RCAN1: variants seen among roughly 807,000 people sequenced by gnomAD.
RCAN1 encodes the protein regulator of calcineurin 1, also known as calcipressin-1.
Under a neutral mutation model 22.9 loss-of-function variants are expected in RCAN1, and 11 were observed. That is an observed-to-expected ratio of 0.48 (90% CI 0.30 to 0.79). RCAN1 has a LOEUF of 0.79. RCAN1 is among the 30% of genes least tolerant of loss of function. The pLI is 0.06. For synonymous variants in RCAN1, 136 were observed against 142.3 expected (o/e 0.96, Z 0.32); for missense variants, 291 against 337.8 (o/e 0.86, Z 1.09).
chr21:34,596,814 C>A (rs1988173844), intron 1 of RCAN1, among the ~76,000 whole-genome samples: 1 of 152,132 alleles, frequency 6.6e-6, no homozygotes, highest in Non-Finnish European at 1.5e-5. Flanking sequence ...TGAAGGAGCT[C>A]GGCTGAAAAC....
At chr21:34,569,043 G>A (rs1296977387) in intron 1 of RCAN1, among the ~76,000 whole-genome samples, 1 of 152,180 alleles carries the variant, frequency 6.6e-6, no homozygotes, top group East Asian at 1.9e-4. Context: ...AGAAAAGCAT[G>A]GGGGACACCG....
rs150171619 is a variant in RCAN1 at position 34,565,496 on chromosome 21, C to A, written c.253-41786G>T. ...AATGGGGGCTACTGCTCCACTGACA[C>A]GCTGGTTGGGAAGGTGAGGGCGCTG... is the stretch of plus-strand genomic sequence containing the variant. On this transcript the variant is annotated intron_variant, in intron 1 of 3. Coordinates refer to ENST00000313806, the MANE Select transcript of RCAN1 (RefSeq NM_004414.7). Among the ~76,000 whole-genome samples, 13 of 152,190 alleles carry A rather than the reference C, an allele frequency of 8.5e-5. 1 individual carries two copies. Among genetic ancestry groups the A allele is most frequent in the Admixed American group, 2.0e-4 (3 of 15,280 alleles).
At chr21:34,565,366 G>A (rs1352078945) in intron 1 of RCAN1, among the ~76,000 whole-genome samples, 1 of 152,214 alleles carries the variant, frequency 6.6e-6, no homozygotes, top group Non-Finnish European at 1.5e-5. Flanking sequence ...GCTAACTAAA[G>A]ACATCACATT....
At chr21:34,536,880 G>A (rs1382692301) in intron 1 of RCAN1, among the ~76,000 whole-genome samples, 2 of 152,162 alleles carry the variant, frequency 1.3e-5, no homozygotes, top group East Asian at 1.9e-4. Flanking sequence ...TTCTGTTGTT[G>A]GTTTGTTTTT....
rs971869688 is a variant in RCAN1 at position 34,613,450 on chromosome 21, G to A, written c.252+1310C>T. ...ATATTTGTTAAAATGAATAGCTAGC[G>A]AAGTGGGCAAACTTTCATACAACAC... On this transcript the variant is annotated intron_variant, in intron 1 of 3. Coordinates refer to ENST00000313806, the MANE Select transcript of RCAN1 (RefSeq NM_004414.7). 1.4e-4 allele frequency among the ~76,000 whole-genome samples: 21 copies of A among 152,294 alleles called. No homozygotes were observed. In the East Asian group the frequency reaches 4.1e-3, roughly 29 times the overall value.
intron 1 of RCAN1, among the ~76,000 whole-genome samples, chr21:34,545,089 G>A (rs749916225): frequency 6.6e-6 from 1 of 152,200 alleles, no homozygotes; most frequent in Non-Finnish European, 1.5e-5. Context: ...TCATGGTGCG[G>A]GCTGGACCAG....
At chr21:34,526,468 G>C (rs923943343) in intron 1 of RCAN1, among the ~76,000 whole-genome samples, 1 of 152,158 alleles carries the variant, frequency 6.6e-6, no homozygotes, top group African/African-American at 2.4e-5. Context: ...CAAATATTGA[G>C]ATCTTTAGAA....
At chr21:34,569,153 A>G (rs1422804046) in intron 1 of RCAN1, among the ~76,000 whole-genome samples, 1 of 152,218 alleles carries the variant, frequency 6.6e-6, no homozygotes, top group Non-Finnish European at 1.5e-5. Context: ...ACAAAGAGCC[A>G]AACCATATCA....
chr21:34,551,629 T>C (rs567461072), intron 1 of RCAN1, among the ~76,000 whole-genome samples: 1 of 140,264 alleles, frequency 7.1e-6, no homozygotes, highest in Admixed American at 6.9e-5. Context: ...CATTCTTTTT[T>C]GATTCTTTAA....
intron 1 of RCAN1, among the ~76,000 whole-genome samples, chr21:34,579,390 G>T (rs1194416090): frequency 5.3e-5 from 8 of 152,148 alleles, no homozygotes; most frequent in Non-Finnish European, 1.0e-4. Context: ...GTGACACAGC[G>T]AGAGTCCCAC....
At chr21:34,541,826 C>G (rs1038008201) in intron 1 of RCAN1, among the ~76,000 whole-genome samples, 1 of 151,906 alleles carries the variant, frequency 6.6e-6, no homozygotes, top group African/African-American at 2.4e-5. Context: ...CCCAGCTACT[C>G]GGGAGGCTGA....
intron 1 of RCAN1, among the ~76,000 whole-genome samples, chr21:34,590,518 G>T (rs1238873990): frequency 2.0e-5 from 3 of 152,340 alleles, no homozygotes; most frequent in Admixed American, 6.5e-5. Flanking sequence ...AAACTGTCCT[G>T]AATTTCCTTT....
Position 34,518,546 on chromosome 21 carries a change from G to A in RCAN1, c.587-290C>T, listed in dbSNP as rs1390855981. Reference sequence around the variant, plus strand: ...CTAGTTATACTTCACATGTCCACCAGATATCTAAACTACCCAGAGAACTCC... The same window carrying A: ...CTAGTTATACTTCACATGTCCACCAAATATCTAAACTACCCAGAGAACTCC... On this transcript the variant is annotated intron_variant, in intron 3 of 3. Transcript: ENST00000313806. The surrounding 1 kb of genome is among the most constrained non-coding windows in gnomAD (Gnocchi z 4.2). 6.6e-6 allele frequency among the ~76,000 whole-genome samples: 1 copy of A among 152,226 alleles called. No homozygotes were observed. The highest frequency in any genetic ancestry group is 6.5e-5 in the Admixed American group (1 of 15,286).
intron 1 of RCAN1, among the ~76,000 whole-genome samples, chr21:34,605,086 T>C (rs1215330667): frequency 6.6e-6 from 1 of 152,222 alleles, no homozygotes; most frequent in Non-Finnish European, 1.5e-5. Context: ...TTCCTGAATG[T>C]GTCTGTGAGG....
At chr21:34,573,465 G>A (rs1446331026) in intron 1 of RCAN1, among the ~76,000 whole-genome samples, 2 of 152,036 alleles carry the variant, frequency 1.3e-5, no homozygotes, top group Non-Finnish European at 2.9e-5. Context: ...TCCAATAATC[G>A]AACATTACAA....
At chr21:34,601,035 A>G (rs1988321561) in intron 1 of RCAN1, among the ~76,000 whole-genome samples, 1 of 152,238 alleles carries the variant, frequency 6.6e-6, no homozygotes, top group African/African-American at 2.4e-5. Context: ...ACAGCTTCTG[A>G]AAGTGCCTAA....
rs932846313 is a variant in RCAN1 at position 34,614,450 on chromosome 21, C to T, written c.252+310G>A. On this transcript the variant is annotated intron_variant, in intron 1 of 3. Coordinates refer to ENST00000313806, the MANE Select transcript of RCAN1 (RefSeq NM_004414.7). This position sits in a 1 kb window ranked among gnomAD's most constrained non-coding sequence, Gnocchi z 6.0. ...GCGATGGCGAGAGCGCAGGGGGCGG[C>T]GGCGCTGCCCCACCTTGGGGAGCGA... 221 of 1,012,712 alleles carry T rather than the reference C, an allele frequency of 2.2e-4. No homozygotes were observed. The highest frequency in any genetic ancestry group is 2.5e-4 in the Non-Finnish European group (216 of 848,330). The allele number at this position is 1,012,712 out of a possible 1,614,324, so 62.7% of individuals were successfully genotyped here. A position where few individuals can be genotyped will look rare whatever the true frequency, so the allele number is the denominator to read the frequency against.
chr21:34,615,026 G>T lies in RCAN1; in HGVS notation c.-15C>A. ...CCGTCCTCCATCCCCGCGCCCGCGC[G>T]ACCCTGTGCGCCCCAGCGGGCTGCT... On this transcript the variant is annotated 5_prime_UTR_variant, in exon 1 of 4. Transcript: ENST00000313806. The T allele has an allele frequency of 1.9e-6, 2 of 1,043,640 alleles. No individual in the cohort carries two copies. Among genetic ancestry groups the T allele is most frequent in the South Asian group, 8.8e-5 (2 of 22,676 alleles). The allele number at this position is 1,043,640 out of a possible 1,614,324, so 64.6% of individuals were successfully genotyped here. A position where few individuals can be genotyped will look rare whatever the true frequency, so the allele number is the denominator to read the frequency against.
intron 1 of RCAN1, among the ~76,000 whole-genome samples, chr21:34,535,446 C>T (rs9979674): frequency 0.36 from 54,696 of 150,382 alleles, 11,097 homozygotes; most frequent in African/African-American, 0.56. Context: ...CAGAATGCCC[C>T]GGAGAAAATA....
Sources: gnomAD v4.1 joint callset for allele counts (sites outside exome capture counted in the v4.1 genomes callset) on GRCh38, gnomAD v4.1.1 for gene constraint, Gnocchi (gnomAD v3.1) non-coding constraint, MANE v1.5 for transcripts, NCBI Gene and HGNC (gene_info 2026-07-23, HGNC 2026-07-21) for gene names.